Variants in DISC1 observed in about 807,000 individuals in gnomAD.
The protein encoded by DISC1 is DISC1 scaffold protein, also known as disrupted in schizophrenia 1 protein.
In DISC1, 57 loss-of-function variants were observed where a neutral mutation model predicts 84.5. That is an observed-to-expected ratio of 0.67 (90% CI 0.55 to 0.84). The LOEUF (loss-of-function observed/expected upper bound fraction) is 0.84, where lower values mean the gene tolerates loss of function less well. Ranked by LOEUF, DISC1 falls within the 40% of genes least tolerant of loss-of-function variation. The pLI is 0.00. For missense variants in DISC1, 1,000 were observed against 1,057.8 expected (o/e 0.95, Z 0.76); for synonymous variants, 411 against 415.2 (o/e 0.99, Z 0.12).
chr1:231,671,063 A>T (rs910320130), intron 1 of DISC1, among the ~76,000 whole-genome samples: 1 of 152,064 alleles, frequency 6.6e-6, no homozygotes, highest in Non-Finnish European at 1.5e-5. Context: ...CCCTTTGTAC[A>T]TGACTTGAGT....
chr1:231,853,269 T>C (rs917973708), intron 9 of DISC1, among the ~76,000 whole-genome samples: 1 of 152,244 alleles, frequency 6.6e-6, no homozygotes, highest in Non-Finnish European at 1.5e-5. Context: ...CATTTAATGT[T>C]GGGGATACGT....
chr1:231,631,650 A>C (rs1350987182), intron 1 of DISC1, among the ~76,000 whole-genome samples: 2 of 152,118 alleles, frequency 1.3e-5, no homozygotes, highest in Non-Finnish European at 2.9e-5. Flanking sequence ...AGGAGCTTAT[A>C]GGATAATAAG....
chr1:231,694,009 G>A lies in DISC1; in HGVS notation c.251G>A (p.Arg84Lys). 1 of 1,614,180 alleles carries A rather than the reference G, an allele frequency of 6.2e-7. No homozygotes were observed. The highest frequency in any genetic ancestry group is 8.5e-7 in the Non-Finnish European group (1 of 1,180,002). Residue 84 changes from arginine to lysine, a missense_variant, in exon 2 of 13, where the codon AGA (arginine) becomes AAA (lysine). Around this residue, in one of 3 missense-constraint regions of DISC1, gnomAD observed 292 missense variants for 280.2 expected, o/e 1.04. Transcript: ENST00000439617. Reference sequence around the variant, plus strand: ...TCCCACCACTCGGAGTCCAGGGCCAGACAGTGTGGCCTTGACTCGAGAGGC... The same window carrying A: ...TCCCACCACTCGGAGTCCAGGGCCAAACAGTGTGGCCTTGACTCGAGAGGC... ...EESHHSESRA[R>K]QCGLDSRGLL...
chr1:231,961,298 G>T (rs1331957204), intron 10 of DISC1, among the ~76,000 whole-genome samples: 2 of 152,198 alleles, frequency 1.3e-5, no homozygotes, highest in African/African-American at 4.8e-5. Flanking sequence ...CTTCAGGTGT[G>T]GGACAGGACT....
Position 231,789,413 on chromosome 1 carries a change from A to G in DISC1, c.1635-5829A>G, listed in dbSNP as rs116500382. Among the ~76,000 whole-genome samples, 1,149 of 152,330 alleles carry G rather than the reference A, an allele frequency of 7.5e-3. 15 individuals carry two copies. The highest frequency in any genetic ancestry group is 0.026 in the African/African-American group (1,063 of 41,586). ...GGCCCTTGCAGACTTGGCTCGACTCAGGTGTGATGGAGTGAGTAGTGGCAT... is the reference window on the plus strand; with the variant it reads ...GGCCCTTGCAGACTTGGCTCGACTCGGGTGTGATGGAGTGAGTAGTGGCAT... On this transcript the variant is annotated intron_variant, in intron 6 of 12. Transcript: ENST00000439617.
In DISC1 at chr1:231,958,816, T is replaced by A. The variant is rs982811730; in HGVS notation, c.1982-12T>A. The A allele has an allele frequency of 2.3e-5, 37 of 1,613,200 alleles. No individual in the cohort carries two copies. Among genetic ancestry groups the A allele is most frequent in the South Asian group, 1.2e-4 (11 of 90,810 alleles). On this transcript the variant is annotated splice_polypyrimidine_tract_variant and intron_variant, in intron 9 of 12. Coordinates refer to ENST00000439617, the MANE Select transcript of DISC1 (RefSeq NM_018662.3). ...AGTTGCATTAACTTTGGATTTCCTT[T>A]TTTTCCCCCAGAAACAAGTGTGAAG...
chr1:231,884,400 A>G lies in DISC1; in HGVS notation c.1981+65883A>G, dbSNP rs147543829. ...GCTTAGGATAATGGCTTCCAGCTCCATCCATGCTGCTACAAAGGAAATGAT... is the reference window on the plus strand; with the variant it reads ...GCTTAGGATAATGGCTTCCAGCTCCGTCCATGCTGCTACAAAGGAAATGAT... On this transcript the variant is annotated intron_variant, in intron 9 of 12. Transcript: ENST00000439617. 4.3e-3 allele frequency among the ~76,000 whole-genome samples: 661 copies of G among 152,282 alleles called. 8 individuals are homozygous for G. Among genetic ancestry groups the G allele is most frequent in the African/African-American group, 0.015 (627 of 41,564 alleles).
chr1:231,694,553 C>A lies in DISC1; in HGVS notation c.795C>A (p.Pro265=). 1 of 1,614,198 alleles carries A rather than the reference C, an allele frequency of 6.2e-7. No homozygotes were observed. The highest frequency in any genetic ancestry group is 8.5e-7 in the Non-Finnish European group (1 of 1,179,998). The change falls in exon 2 of 13, where the codon CCC becomes CCA. Residue 265 remains proline, a synonymous_variant. Transcript: ENST00000439617. ...PHEDPRCLSR[P]FSLLATRVSA... ...AGGACCCGCGATGTCTCTCTCGGCC[C>A]TTCAGTCTCTTGGCTACACGGGTCT...
intron 6 of DISC1, among the ~76,000 whole-genome samples, chr1:231,779,922 G>T (rs2077272620): frequency 6.6e-6 from 1 of 152,024 alleles, no homozygotes; most frequent in Admixed American, 6.6e-5. Context: ...CCTGCTAATG[G>T]CTTCTGCCGG....
At chr1:231,776,187 C>A (rs1018236150) in intron 6 of DISC1, among the ~76,000 whole-genome samples, 4 of 152,078 alleles carry the variant, frequency 2.6e-5, no homozygotes, top group Non-Finnish European at 4.4e-5. Context: ...TGGCTAACGG[C>A]AAAGTGAGGG....
At chr1:231,844,495 G>A (rs1254243815) in intron 9 of DISC1, among the ~76,000 whole-genome samples, 1 of 152,068 alleles carries the variant, frequency 6.6e-6, no homozygotes, top group East Asian at 1.9e-4. Context: ...CATGGAGCTT[G>A]GTTTTATACA....
intron 6 of DISC1, among the ~76,000 whole-genome samples, chr1:231,776,666 A>G (rs762583858): frequency 1.3e-5 from 2 of 152,262 alleles, no homozygotes; most frequent in East Asian, 3.8e-4. Context: ...TGCTCAGTCC[A>G]CAACATGCAG....
At chr1:231,908,967 TG>T (rs1482373465) in intron 9 of DISC1, among the ~76,000 whole-genome samples, 1 of 152,238 alleles carries the variant, frequency 6.6e-6, no homozygotes, top group African/African-American at 2.4e-5. Context: ...TCTGGCTCTC[TG>T]TTTGTCTGTT....
chr1:231,983,419 C>A (rs370444384), intron 10 of DISC1, among the ~76,000 whole-genome samples: 1 of 149,610 alleles, frequency 6.7e-6, no homozygotes, highest in African/African-American at 2.5e-5. Flanking sequence ...GAGGAAACAA[C>A]GCGTGCTTCA....
intron 10 of DISC1, among the ~76,000 whole-genome samples, chr1:231,970,147 T>A (rs946828463): frequency 6.6e-6 from 1 of 152,230 alleles, no homozygotes; most frequent in African/African-American, 2.4e-5. Flanking sequence ...ATGGTATTTC[T>A]AGTTCTAGAT....
intron 1 of DISC1, among the ~76,000 whole-genome samples, chr1:231,643,393 G>T (rs1365380365): frequency 2.0e-5 from 3 of 152,200 alleles, no homozygotes; most frequent in Non-Finnish European, 2.9e-5. Context: ...TGCCATTCAT[G>T]GTGGCTTGGG....
rs1558498087 is a variant in DISC1 at position 231,762,213 on chromosome 1, CTCTTCTT to C, written c.1269-4925_1269-4919del. Among the ~76,000 whole-genome samples the C allele has an allele frequency of 5.4e-3, 517 of 96,336 alleles. 1 individual carries two copies. Among genetic ancestry groups the C allele is most frequent in the South Asian group, 0.01 (28 of 2,794 alleles). 63.2% of individuals were successfully genotyped at this position (96,336 alleles called of 152,430 possible). A position where few individuals can be genotyped will look rare whatever the true frequency, so the allele number is the denominator to read the frequency against. On this transcript the variant is annotated intron_variant, in intron 4 of 12. Transcript: ENST00000439617. ...TCTTTCTTTTCTTTTCTTTTCTTTT[CTCTTCTT>C]TTCTTTTCTTTTCTTTTCTTTTCTT...
At chr1:231,809,350 T>C (rs534064914) in intron 8 of DISC1, among the ~76,000 whole-genome samples, 1 of 152,214 alleles carries the variant, frequency 6.6e-6, no homozygotes, top group Non-Finnish European at 1.5e-5. Flanking sequence ...GGCAGAGACA[T>C]CTGCCTGGTT....
chr1:232,014,937 T>A (rs996984012), intron 11 of DISC1, among the ~76,000 whole-genome samples: 4 of 152,194 alleles, frequency 2.6e-5, no homozygotes, highest in Admixed American at 1.3e-4. Flanking sequence ...GATTGTATAA[T>A]TAGGATATTT....
Sources: allele counts gnomAD v4.1 joint callset (sites outside exome capture counted in the v4.1 genomes callset), GRCh38; gene constraint gnomAD v4.1.1; regional missense constraint gnomAD v4.1.1; transcripts MANE v1.5; gene names NCBI Gene and HGNC (gene_info 2026-07-23, HGNC 2026-07-21).